The following HMCN1 variants were observed in gnomAD, a reference collection of about 807,000 sequenced individuals.
HMCN1 encodes hemicentin 1.
A neutral mutation model predicts 625.9 loss-of-function variants in HMCN1; 321 were observed. The ratio of observed to expected loss-of-function variants is 0.51; its 90% CI spans 0.47 to 0.56. HMCN1 has a LOEUF of 0.56. Ranked by LOEUF, HMCN1 falls within the 20% of genes least tolerant of loss-of-function variation. HMCN1 has a pLI of 0.00. For missense variants in HMCN1, 6,588 were observed against 6,887.3 expected (o/e 0.96, Z 1.54); for synonymous variants, 2,425 against 2,417.6 (o/e 1.00, Z -0.09).
intron 104 of HMCN1, among the ~76,000 whole-genome samples, chr1:186,180,558 C>T (rs1329784286): frequency 6.6e-6 from 1 of 152,184 alleles, no homozygotes; most frequent in Non-Finnish European, 1.5e-5. Flanking sequence ...TTCTCTACTT[C>T]TTCATCACTA....
At chr1:185,825,545 C>G (rs1221649438) in intron 1 of HMCN1, among the ~76,000 whole-genome samples, 2 of 152,126 alleles carry the variant, frequency 1.3e-5, no homozygotes, top group Admixed American at 6.5e-5. Context: ...ATAATCAATT[C>G]TGCCCAAAAC....
chr1:186,069,660 C>A lies in HMCN1; in HGVS notation c.7880-3C>A. 1 of 1,600,944 alleles carries A rather than the reference C, an allele frequency of 6.2e-7. No homozygotes were observed. The highest frequency in any genetic ancestry group is 8.5e-7 in the Non-Finnish European group (1 of 1,169,824). ...GACTCTTTGATGTCCCATGATTTTA[C>A]AGGAGGCAGAACTCTGCAGATCCTC... On this transcript the variant is annotated splice_polypyrimidine_tract_variant and splice_region_variant and intron_variant, in intron 50 of 106. Transcript: ENST00000271588.
At chr1:186,077,073 T>G (rs1658867302) in intron 54 of HMCN1, among the ~76,000 whole-genome samples, 1 of 152,196 alleles carries the variant, frequency 6.6e-6, no homozygotes, top group African/African-American at 2.4e-5. Context: ...CAAAGATGTT[T>G]AAACTGTTAT....
At position 185,759,417 on chromosome 1, in the gene HMCN1, G is replaced by A. The variant is rs372541007; in HGVS notation, c.268+24370G>A. 1.4e-4 allele frequency among the ~76,000 whole-genome samples: 21 copies of A among 152,244 alleles called. No homozygotes were observed. The East Asian group carries it at 1.7e-3, about 13-fold the overall frequency. On this transcript the variant is annotated intron_variant, in intron 1 of 106. Transcript: ENST00000271588. The stretch of plus-strand genomic sequence containing the variant: ...CAAAGCATGAAGGGTCATAAGTAAA[G>A]GGAGTCCTTTTGCATATGTTCTGTA...
At position 186,068,026 on chromosome 1, in the gene HMCN1, A is replaced by T. The variant is rs746132178; in HGVS notation, c.7879+19A>T. ...CTTCCAGGTAATTCATTTGCTTCAG[A>T]TGTCCAAGATGCATCTGCGTCATCT... On this transcript the variant is annotated intron_variant, in intron 50 of 106. Transcript: ENST00000271588. The T allele has an allele frequency of 6.3e-7, 1 of 1,596,676 alleles. No homozygotes were observed. Among genetic ancestry groups the T allele is most frequent in the Non-Finnish European group, 8.6e-7 (1 of 1,164,412 alleles).
At chr1:186,020,943 C>A (rs1256857421) in intron 35 of HMCN1, among the ~76,000 whole-genome samples, 1 of 151,980 alleles carries the variant, frequency 6.6e-6, no homozygotes, top group African/African-American at 2.4e-5. Context: ...TAATGAGAGA[C>A]CTTTGAAGAG....
At chr1:186,074,344 T>C (rs1297511755) in intron 52 of HMCN1, among the ~76,000 whole-genome samples, 1 of 150,382 alleles carries the variant, frequency 6.6e-6, no homozygotes, top group East Asian at 1.9e-4. Context: ...TGCTCAATCT[T>C]TCATAAAGAA....
intron 51 of HMCN1, 30 bp from the exon 52 acceptor site, chr1:186,070,581 TG>T: frequency 6.3e-7 from 1 of 1,584,448 alleles, no homozygotes. Context: ...AAATAACCAA[TG>T]TCTAACTCTT....
chr1:186,066,209 A>G (rs532369115), intron 49 of HMCN1, among the ~76,000 whole-genome samples: 1 of 152,280 alleles, frequency 6.6e-6, no homozygotes, highest in African/African-American at 2.4e-5. Flanking sequence ...AAGTGTATAA[A>G]TTGAAACTTA....
At chr1:186,175,876 C>CAA (rs758445916) in intron 103 of HMCN1, among the ~76,000 whole-genome samples, 11,963 of 75,044 alleles carry the variant, frequency 0.16, 704 homozygotes, top group Middle Eastern at 0.18. Context: ...AACTATGTCT[C>CAA]AAAAAAAAAA....
At position 185,737,513 on chromosome 1, in the gene HMCN1, C is replaced by T. The variant is rs116541437; in HGVS notation, c.268+2466C>T. Among the ~76,000 whole-genome samples, 1,012 of 152,244 alleles carry T rather than the reference C, an allele frequency of 6.6e-3. 8 individuals are homozygous for T. The highest frequency in any genetic ancestry group is 0.027 in the Middle Eastern group (8 of 294). On this transcript the variant is annotated intron_variant, in intron 1 of 106. Coordinates refer to ENST00000271588, the MANE Select transcript of HMCN1 (RefSeq NM_031935.3). Reference sequence around the variant, plus strand: ...GACATTAGAAAACTATATTTACTTTCTGAATCTTAGTATCCTCAACTATAT... The same window carrying T: ...GACATTAGAAAACTATATTTACTTTTTGAATCTTAGTATCCTCAACTATAT...
chr1:186,010,166 G>C (rs10798028), intron 30 of HMCN1, among the ~76,000 whole-genome samples: 57,341 of 151,624 alleles, frequency 0.38, 11,895 homozygotes, highest in Non-Finnish European at 0.47. Context: ...AGTCTTGAGG[G>C]GTGTGCGTGT....
chr1:186,103,117 T>C (rs1466985610), intron 68 of HMCN1, among the ~76,000 whole-genome samples: 1 of 152,094 alleles, frequency 6.6e-6, no homozygotes, highest in East Asian at 1.9e-4. Context: ...AAAAACATAA[T>C]AATATGCTAA....
At chr1:185,792,375 G>C (rs1658068066) in intron 1 of HMCN1, among the ~76,000 whole-genome samples, 1 of 152,090 alleles carries the variant, frequency 6.6e-6, no homozygotes, top group South Asian at 2.1e-4. Context: ...CATCCTTCTA[G>C]TTTTTATTGA....
In HMCN1 at chr1:186,038,910, T is replaced by G. The variant is rs762521416; in HGVS notation, c.5933T>G (p.Ile1978Ser). ...TTGAACAGAGGACAGATCATTGATA[T>G]TGAAAGTGCCCAGATCTCAGATGCT... ...TFLNRGQIID[I>S]ESAQISDAGI... Residue 1978 changes from isoleucine (I) to serine (S), a missense_variant, in exon 38 of 107, where the codon ATT becomes AGT. Physicochemically the swap from Ile to Ser is moderately radical, Grantham distance 142 (BLOSUM62 -2). Transcript: ENST00000271588. 1 of 1,606,004 alleles carries G rather than the reference T, an allele frequency of 6.2e-7. No individual in the cohort carries two copies. The highest frequency in any genetic ancestry group is 8.5e-7 in the Non-Finnish European group (1 of 1,172,874).
At chr1:186,069,098 C>G (rs568651508) in intron 50 of HMCN1, among the ~76,000 whole-genome samples, 7 of 152,180 alleles carry the variant, frequency 4.6e-5, no homozygotes, top group Admixed American at 2.6e-4. Flanking sequence ...AGAATTCTCA[C>G]CCACTACCCG....
At chr1:186,106,055 C>G (rs1660592740) in intron 69 of HMCN1, among the ~76,000 whole-genome samples, 1 of 152,062 alleles carries the variant, frequency 6.6e-6, no homozygotes, top group South Asian at 2.1e-4. Context: ...TGCAGCCTAC[C>G]AAAAAGTGTT....
chr1:185,986,803 G>A (rs1023223329), intron 19 of HMCN1, among the ~76,000 whole-genome samples: 1 of 145,830 alleles, frequency 6.9e-6, no homozygotes, highest in African/African-American at 2.5e-5. Context: ...GACCAGCCTG[G>A]GTAACACAGC....
intron 1 of HMCN1, among the ~76,000 whole-genome samples, chr1:185,820,373 T>C (rs1197800004): frequency 2.0e-5 from 3 of 152,188 alleles, no homozygotes; most frequent in Non-Finnish European, 4.4e-5. Flanking sequence ...GCTGTATCCA[T>C]TTTATTACCT....
Sources: gnomAD v4.1 joint callset for allele counts (sites outside exome capture counted in the v4.1 genomes callset) on GRCh38, gnomAD v4.1.1 for gene constraint, MANE v1.5 for transcripts, NCBI Gene and HGNC (gene_info 2026-07-23, HGNC 2026-07-21) for gene names.